EPG5: variants seen among roughly 807,000 people sequenced by gnomAD.
EPG5 encodes the protein ectopic P-granules 5 autophagy tethering factor, also known as ectopic P granules protein 5 homolog.
A neutral mutation model predicts 302.7 loss-of-function variants in EPG5; 159 were observed. That is an observed-to-expected ratio of 0.53 (90% CI 0.46 to 0.60). The LOEUF (loss-of-function observed/expected upper bound fraction) is 0.60, where lower values mean the gene tolerates loss of function less well. Ranked by LOEUF, EPG5 falls within the 20% of genes least tolerant of loss-of-function variation. EPG5 has a pLI of 0.00. For missense variants in EPG5, 2,896 were observed against 3,092.4 expected, an observed-to-expected ratio of 0.94 and a Z score of 1.51; for synonymous variants, 1,158 against 1,136.8, an observed-to-expected ratio of 1.02 and a Z score of -0.37.
At chr18:45,901,617 G>C (rs1030966489) in intron 25 of EPG5, among the ~76,000 whole-genome samples, 9 of 152,182 alleles carry the variant, frequency 5.9e-5, no homozygotes, top group African/African-American at 2.2e-4. Context: ...GGTTTGAACA[G>C]GAGGACTGGA....
At chr18:45,875,597 C>G (rs1002476169) in intron 35 of EPG5, among the ~76,000 whole-genome samples, 4 of 151,842 alleles carry the variant, frequency 2.6e-5, no homozygotes, top group Middle Eastern at 3.4e-3. Flanking sequence ...AGAAATTACC[C>G]ATAATAAAGC....
At chr18:45,847,087 T>C (rs979833342), downstream of EPG5, among the ~76,000 whole-genome samples, 1 of 152,182 alleles carries the variant, frequency 6.6e-6, no homozygotes, top group African/African-American at 2.4e-5. Flanking sequence ...GAGGGAGACA[T>C]ACCCCACTCC....
intron 5 of EPG5, among the ~76,000 whole-genome samples, chr18:45,949,072 C>T (rs191888845): frequency 6.6e-6 from 1 of 152,294 alleles, no homozygotes; most frequent in African/African-American, 2.4e-5. Context: ...GAGTTGATCA[C>T]ATAGACCTGA....
chr18:45,929,952 C>T (rs1399775276), intron 12 of EPG5, among the ~76,000 whole-genome samples: 1 of 152,200 alleles, frequency 6.6e-6, no homozygotes, highest in African/African-American at 2.4e-5. Context: ...CTTGAGCACA[C>T]TAGAATACTT....
chr18:45,852,694 TA>T, intron 43 of EPG5, 45 bp from the exon 44 acceptor site: 1 of 1,532,516 alleles, frequency 6.5e-7, no homozygotes, highest in Non-Finnish European at 9.0e-7. Context: ...TAGAGGCACA[TA>T]ATGTGACTGC....
At chr18:45,898,589 A>C (rs2049532385) in intron 27 of EPG5, among the ~76,000 whole-genome samples, 1 of 152,200 alleles carries the variant, frequency 6.6e-6, no homozygotes, top group South Asian at 2.1e-4. Flanking sequence ...TCTGCCTGTC[A>C]GCAAGTTCCA....
chr18:45,837,924 G>T, the EPG5 span: 3 of 1,463,320 alleles, frequency 2.1e-6, no homozygotes, highest in Non-Finnish European at 2.7e-6. Context: ...CGGGTCCCCG[G>T]CCTCCCTTCC....
chr18:45,924,277 T>C (rs1234493682), intron 14 of EPG5, among the ~76,000 whole-genome samples: 2 of 152,222 alleles, frequency 1.3e-5, no homozygotes, highest in Admixed American at 6.5e-5. Context: ...CACGCAGCTC[T>C]TCAAGAGGAG....
At chr18:45,899,645 C>T (rs1014341432) in intron 26 of EPG5, 79 bp from the exon 27 acceptor site, 4 of 1,468,242 alleles carry the variant, frequency 2.7e-6, no homozygotes, top group African/African-American at 1.4e-5. Flanking sequence ...CAGTTACCCA[C>T]AGCCAGCATT....
intron 2 of EPG5, chr18:45,953,831 C>A (rs2050964181): frequency 1.0e-6 from 1 of 985,148 alleles, no homozygotes; most frequent in Admixed American, 6.1e-5. Flanking sequence ...TGGGGAAGAC[C>A]ATTGGATGCA....
chr18:45,819,218 C>T, the EPG5 span, among the ~76,000 whole-genome samples: 1 of 152,120 alleles, frequency 6.6e-6, no homozygotes, highest in South Asian at 2.1e-4. Flanking sequence ...ATTAATTGCT[C>T]ATCTGGAATA....
chr18:45,896,160 C>T (rs1259700252), intron 27 of EPG5, among the ~76,000 whole-genome samples: 3 of 152,214 alleles, frequency 2.0e-5, no homozygotes, highest in Non-Finnish European at 4.4e-5. Flanking sequence ...TACTATATAA[C>T]TTTCAAGATT....
At chr18:45,806,278 T>C in the EPG5 span, among the ~76,000 whole-genome samples, 2 of 152,104 alleles carry the variant, frequency 1.3e-5, no homozygotes, top group Non-Finnish European at 1.5e-5. Context: ...AATTAATATA[T>C]TCAGATAACA....
rs772046735 is a variant in EPG5, at chr18:45,954,807, T to G, written c.595A>C (p.Ser199Arg). Reference protein sequence around the residue: ...SEVPQNVGLQSSCPAKHGFQT... With the variant: ...SEVPQNVGLQRSCPAKHGFQT... ...AAACCATGTTTGGCTGGGCAAGAAC[T>G]CTGCAAGCCAACATTCTGTGGCACC... Residue 199 changes from serine (S) to arginine (R), a missense_variant, in exon 2 of 44, where the codon AGT becomes CGT. Physicochemically the swap from Ser to Arg is moderately radical, Grantham distance 110. Coordinates refer to ENST00000282041, the MANE Select transcript of EPG5 (RefSeq NM_020964.3). 1 of 1,614,176 alleles carries G rather than the reference T, an allele frequency of 6.2e-7. No individual in the cohort carries two copies. Among genetic ancestry groups the G allele is most frequent in the Non-Finnish European group, 8.5e-7 (1 of 1,180,010 alleles).
intron 36 of EPG5, among the ~76,000 whole-genome samples, chr18:45,869,266 G>C (rs34323378): frequency 0.2 from 30,966 of 151,962 alleles, 3,224 homozygotes; most frequent in East Asian, 0.34. Context: ...TTCATTTCTT[G>C]TCATTACTGT....
the EPG5 span, among the ~76,000 whole-genome samples, chr18:45,839,779 CTG>C: frequency 6.6e-6 from 1 of 152,222 alleles, no homozygotes; most frequent in African/African-American, 2.4e-5. Context: ...GCCACTCCTG[CTG>C]TCTCTGATCT....
At chr18:45,820,311 C>T in the EPG5 span, among the ~76,000 whole-genome samples, 1 of 152,218 alleles carries the variant, frequency 6.6e-6, no homozygotes, top group African/African-American at 2.4e-5. Flanking sequence ...TGGTGTTACA[C>T]TGACCTCACT....
At chr18:45,855,923 G>T (rs116782646) in intron 42 of EPG5, among the ~76,000 whole-genome samples, 1 of 152,184 alleles carries the variant, frequency 6.6e-6, no homozygotes, top group African/African-American at 2.4e-5. Context: ...AAGATGTGGA[G>T]TAACTGGAAC....
chr18:45,917,657 G>C (rs1045308197), intron 17 of EPG5, 22 bp downstream of exon 17: 1 of 1,613,136 alleles, frequency 6.2e-7, no homozygotes, highest in African/African-American at 1.3e-5. Context: ...AGTGTCTCCT[G>C]CCATAGATGG....
Sources: gnomAD v4.1 joint callset for allele counts (sites outside exome capture counted in the v4.1 genomes callset) on GRCh38, gnomAD v4.1.1 for gene constraint, MANE v1.5 for transcripts, NCBI Gene and HGNC (gene_info 2026-07-23, HGNC 2026-07-21) for gene names.